Variants in AMN1 observed in about 807,000 individuals in gnomAD.
AMN1 encodes the protein antagonist of mitotic exit network 1 homolog, also known as protein AMN1 homolog.
In AMN1, 20 loss-of-function variants were observed where a neutral mutation model predicts 33.0. The ratio of observed to expected loss-of-function variants is 0.61; its 90% CI spans 0.43 to 0.88. The LOEUF is 0.88. Ranked by LOEUF, AMN1 falls within the 40% of genes least tolerant of loss-of-function variation. The pLI, the probability that AMN1 is intolerant of heterozygous loss-of-function variation, is 0.00. For missense variants in AMN1, 246 were observed against 307.4 expected (o/e 0.80, Z 1.49); for synonymous variants, 114 against 111.9 (o/e 1.02, Z -0.12).
At chr12:31,728,043 T>C (rs1340553710) in intron 1 of AMN1, among the ~76,000 whole-genome samples, 1 of 152,292 alleles carries the variant, frequency 6.6e-6, no homozygotes, top group East Asian at 1.9e-4. Flanking sequence ...GTATCTTTAG[T>C]AGAGGCGGGG....
In AMN1 at chr12:31,691,789, A is replaced by G. The variant is rs534006367; in HGVS notation, c.592-2671T>C. Among the ~76,000 whole-genome samples, 103 of 152,362 alleles carry G rather than the reference A, an allele frequency of 6.8e-4. 3 individuals carry two copies. The South Asian group carries it at 0.021, about 31-fold the overall frequency. On this transcript the variant is annotated intron_variant, in intron 5 of 6. Transcript: ENST00000281471. ...CCAAACATGCAAGGAGAGATACATAATCATATTTAGGATAGTGGTTACTTC... is the reference window on the plus strand; with the variant it reads ...CCAAACATGCAAGGAGAGATACATAGTCATATTTAGGATAGTGGTTACTTC...
Position 31,727,579 on chromosome 12 carries a change from A to C in AMN1, c.38+1392T>G, listed in dbSNP as rs60077276. On this transcript the variant is annotated intron_variant, in intron 1 of 6. Transcript: ENST00000281471. ...CTTTACTCTTTTTATTTCACTCTCT[A>C]CGATACATTTCCTCCCATTTGCAAC... Among the ~76,000 whole-genome samples, 1,471 of 152,068 alleles carry C rather than the reference A, an allele frequency of 9.7e-3. 24 individuals carry two copies. The highest frequency in any genetic ancestry group is 0.033 in the African/African-American group (1,381 of 41,462).
At chr12:31,724,355 G>A (rs11051548) in intron 1 of AMN1, among the ~76,000 whole-genome samples, 8,343 of 152,146 alleles carry the variant, frequency 0.055, 508 homozygotes, top group East Asian at 0.18. Context: ...GTAGCCCTGC[G>A]ACAATAGCTC....
At chr12:31,692,423 G>A (rs1232178016) in intron 5 of AMN1, among the ~76,000 whole-genome samples, 1 of 149,250 alleles carries the variant, frequency 6.7e-6, no homozygotes, top group Non-Finnish European at 1.5e-5. Flanking sequence ...CTGCATACCA[G>A]CCTGAGTGAC....
At chr12:31,681,942 G>T (rs1016015147) in intron 6 of AMN1, among the ~76,000 whole-genome samples, 3 of 152,044 alleles carry the variant, frequency 2.0e-5, no homozygotes, top group African/African-American at 7.2e-5. Flanking sequence ...CTCCCAAAGT[G>T]CTGGGATTAC....
At chr12:31,713,935 A>G (rs909880754) in intron 1 of AMN1, among the ~76,000 whole-genome samples, 2 of 152,168 alleles carry the variant, frequency 1.3e-5, no homozygotes, top group African/African-American at 4.8e-5. Flanking sequence ...GTTTGTAGAG[A>G]CAATTACTAC....
At chr12:31,709,074 A>G (rs1340939910) in intron 2 of AMN1, 1 of 596,268 alleles carries the variant, frequency 1.7e-6, no homozygotes, top group South Asian at 1.6e-5. Context: ...ACTACTCAGG[A>G]GGCTGAAGAG....
At position 31,728,978 on chromosome 12, in the gene AMN1, G is replaced by A; in HGVS notation, c.31C>T (p.Leu11=). The part of the protein sequence containing the change: MPRPRRVSQL[L]DLCLWCFMKN... ...GGGACAGGGTAGACTCACAGATCCA[G>A]GAGCTGACTGACCCGCCGTGGGCGA... Residue 11 remains leucine, a synonymous_variant, in exon 1 of 7, where the codon CTG becomes TTG. Transcript: ENST00000281471. 1 of 1,546,944 alleles carries A rather than the reference G, an allele frequency of 6.5e-7. No homozygotes were observed.
At chr12:31,702,790 T>A (rs1466016427) in intron 2 of AMN1, among the ~76,000 whole-genome samples, 2 of 152,210 alleles carry the variant, frequency 1.3e-5, no homozygotes, top group African/African-American at 4.8e-5. Flanking sequence ...CAGGCTGGAG[T>A]GCAATGGCGT....
chr12:31,727,773 GCA>G lies in AMN1; in HGVS notation c.38+1196_38+1197del, dbSNP rs58548411. Among the ~76,000 whole-genome samples, 1,467 of 152,272 alleles carry G rather than the reference GCA, an allele frequency of 9.6e-3. 24 individuals carry two copies. The highest frequency in any genetic ancestry group is 0.033 in the African/African-American group (1,378 of 41,548). ...TGAGACAGTCTCGCTCTGTCGCCTA[GCA>G]GCCTAGGCGTGCAGTGGCGCGATCT... is the stretch of plus-strand genomic sequence containing the variant. On this transcript the variant is annotated intron_variant, in intron 1 of 6. Coordinates refer to ENST00000281471, the MANE Select transcript of AMN1 (RefSeq NM_001113402.2).
At chr12:31,680,706 G>C (rs1278064506) in intron 6 of AMN1, among the ~76,000 whole-genome samples, 2 of 152,330 alleles carry the variant, frequency 1.3e-5, no homozygotes, top group South Asian at 2.1e-4. Context: ...GGAAATTACA[G>C]TGAGCAGTGC....
chr12:31,675,718 A>T (rs1311443433), intron 6 of AMN1, among the ~76,000 whole-genome samples: 1 of 150,754 alleles, frequency 6.6e-6, no homozygotes, highest in Non-Finnish European at 1.5e-5. Context: ...CTGGTCTTGA[A>T]CTCCTGACCT....
intron 1 of AMN1, among the ~76,000 whole-genome samples, chr12:31,726,342 G>A (rs1443222347): frequency 6.6e-6 from 1 of 151,922 alleles, no homozygotes; most frequent in Non-Finnish European, 1.5e-5. Flanking sequence ...TGTATTTTTA[G>A]TAGAGACAGG....
chr12:31,676,520 C>A (rs1204932074), intron 6 of AMN1, among the ~76,000 whole-genome samples: 1 of 151,042 alleles, frequency 6.6e-6, no homozygotes, highest in Non-Finnish European at 1.5e-5. Flanking sequence ...GATGGGGTTT[C>A]ACCATGTTAG....
chr12:31,708,314 C>T (rs1939330196), intron 2 of AMN1, among the ~76,000 whole-genome samples: 1 of 152,048 alleles, frequency 6.6e-6, no homozygotes, highest in African/African-American at 2.4e-5. Context: ...AGTGTCTGTC[C>T]TATGGGAGTG....
At chr12:31,710,551 T>TACACACACACACAC (rs112841301) in intron 1 of AMN1, among the ~76,000 whole-genome samples, 3 of 147,426 alleles carry the variant, frequency 2.0e-5, no homozygotes, top group Non-Finnish European at 4.5e-5. Flanking sequence ...TCTGTTCTTG[T>TACACACACACACAC]ACACACACAC....
rs930226491 is a variant in AMN1 at position 31,683,159 on chromosome 12, C to T, written c.703+5848G>A. ...TGTATTTTTAGTAGAGAGGGGGTTTCACCATATTGGCCAGGCTGGTCTCAA... is the reference window on the plus strand; with the variant it reads ...TGTATTTTTAGTAGAGAGGGGGTTTTACCATATTGGCCAGGCTGGTCTCAA... On this transcript the variant is annotated intron_variant, in intron 6 of 6. Coordinates refer to ENST00000281471, the MANE Select transcript of AMN1 (RefSeq NM_001113402.2). The surrounding 1 kb of genome is among the most constrained non-coding windows in gnomAD (Gnocchi z 4.1). Among the ~76,000 whole-genome samples the T allele has an allele frequency of 6.6e-6, 1 of 152,094 alleles. No individual in the cohort carries two copies. The highest frequency in any genetic ancestry group is 1.5e-5 in the Non-Finnish European group (1 of 68,018).
At position 31,687,704 on chromosome 12, in the gene AMN1, T is replaced by G. The variant is rs1938326717; in HGVS notation, c.703+1303A>C. Among the ~76,000 whole-genome samples, 2 of 151,058 alleles carry G rather than the reference T, an allele frequency of 1.3e-5. No homozygotes were observed. ...TCTGTCTCAAAAAAAAAAAAAAGAA[T>G]AATTGGAATAATTATTTAGACTGTA... On this transcript the variant is annotated intron_variant, in intron 6 of 6. Coordinates refer to ENST00000281471, the MANE Select transcript of AMN1 (RefSeq NM_001113402.2). The surrounding 1 kb of genome is among the most constrained non-coding windows in gnomAD (Gnocchi z 4.1).
intron 1 of AMN1, among the ~76,000 whole-genome samples, chr12:31,709,886 C>T (rs1358365521): frequency 2.0e-5 from 3 of 152,118 alleles, no homozygotes; most frequent in Non-Finnish European, 1.5e-5. Context: ...GCTCTGTAAG[C>T]TTCAAAAACC....
Sources: gnomAD v4.1 joint callset for allele counts (sites outside exome capture counted in the v4.1 genomes callset) on GRCh38, gnomAD v4.1.1 for gene constraint, Gnocchi (gnomAD v3.1) non-coding constraint, MANE v1.5 for transcripts, NCBI Gene and HGNC (gene_info 2026-07-23, HGNC 2026-07-21) for gene names.